Variants in TMEM131 observed in about 807,000 individuals in gnomAD.
TMEM131 encodes the protein 2610524E03Rik.
TMEM131 carries 66 observed loss-of-function variants against 211.6 expected under a neutral mutation model. The ratio of observed to expected loss-of-function variants is 0.31; its 90% CI spans 0.26 to 0.38. The LOEUF is 0.38. Ranked by LOEUF, TMEM131 falls within the 10% of genes least tolerant of loss-of-function variation. The pLI, the probability that TMEM131 is intolerant of heterozygous loss-of-function variation, is 1.00. For missense variants in TMEM131, 2,036 were observed against 2,299.3 expected (o/e 0.89, Z 2.34); for synonymous variants, 844 against 841.3 (o/e 1.00, Z -0.06).
At chr2:97,874,920 C>A (rs1035178554) in intron 4 of TMEM131, among the ~76,000 whole-genome samples, 1 of 152,106 alleles carries the variant, frequency 6.6e-6, no homozygotes, top group African/African-American at 2.4e-5. Context: ...AAGACACAGA[C>A]TGGCAAACTG....
intron 1 of TMEM131, among the ~76,000 whole-genome samples, chr2:97,936,993 G>GAAAT (rs1677475446): frequency 6.6e-6 from 1 of 152,040 alleles, no homozygotes; most frequent in African/African-American, 2.4e-5. Context: ...CACAGTAACT[G>GAAAT]AAATGAGCCC....
intron 11 of TMEM131, among the ~76,000 whole-genome samples, chr2:97,826,654 G>C (rs1429823865): frequency 6.6e-6 from 1 of 151,312 alleles, no homozygotes; most frequent in Non-Finnish European, 1.5e-5. Flanking sequence ...GAGACAAAGA[G>C]GAAGTCAGAA....
chr2:97,951,547 G>A (rs1678315893), intron 1 of TMEM131, among the ~76,000 whole-genome samples: 1 of 152,176 alleles, frequency 6.6e-6, no homozygotes, highest in South Asian at 2.1e-4. Context: ...TGGGTAAAAT[G>A]TCTCATTGGC....
At chr2:97,787,481 T>G (rs961181935) in intron 31 of TMEM131, among the ~76,000 whole-genome samples, 1 of 152,156 alleles carries the variant, frequency 6.6e-6, no homozygotes, top group Admixed American at 6.5e-5. Context: ...AGAAAGAATT[T>G]CCCCAGGCTT....
intron 1 of TMEM131, among the ~76,000 whole-genome samples, chr2:97,967,112 C>T (rs62156523): frequency 0.072 from 10,954 of 152,182 alleles, 469 homozygotes; most frequent in Middle Eastern, 0.12. Flanking sequence ...TTTTGACTCA[C>T]CATAAAAGGG....
chr2:97,828,791 C>T (rs1682518185), intron 11 of TMEM131, among the ~76,000 whole-genome samples: 1 of 152,220 alleles, frequency 6.6e-6, no homozygotes, highest in Non-Finnish European at 1.5e-5. Context: ...CAAACTCTTT[C>T]AATGCCTTTC....
Position 97,795,100 on chromosome 2 carries a change from A to G in TMEM131, c.3216T>C (p.Phe1072=), listed in dbSNP as rs1167183194. 1 of 1,612,468 alleles carries G rather than the reference A, an allele frequency of 6.2e-7. No individual in the cohort carries two copies. ...GTTCCCGAATAACTCTAGAAGCTGT[A>G]AAATCAGGAGTAAACCTAAAACAGA... ...RDIIILFTPD[F]TASRVIRELK... Residue 1072 remains phenylalanine, a synonymous_variant, in exon 29 of 41, where the codon TTT becomes TTC. Transcript: ENST00000186436.
chr2:97,974,404 G>A (rs916343145), intron 1 of TMEM131, among the ~76,000 whole-genome samples: 1 of 151,988 alleles, frequency 6.6e-6, no homozygotes, highest in Non-Finnish European at 1.5e-5. Context: ...GTTGGGAGGA[G>A]GAGGAGGAGG....
chr2:97,987,615 C>T, intron 1 of TMEM131, among the ~76,000 whole-genome samples: 1 of 152,166 alleles, frequency 6.6e-6, no homozygotes, highest in African/African-American at 2.4e-5. Flanking sequence ...AAGTACGCAG[C>T]ATTTTTTCTT....
intron 2 of TMEM131, among the ~76,000 whole-genome samples, chr2:97,915,821 G>GT (rs1676486036): frequency 6.6e-6 from 1 of 152,144 alleles, no homozygotes; most frequent in Admixed American, 6.5e-5. Context: ...TTTTGAGTTA[G>GT]TTTTTGTTTA....
chr2:97,976,261 C>T (rs2104621629), intron 1 of TMEM131, among the ~76,000 whole-genome samples: 1 of 152,234 alleles, frequency 6.6e-6, no homozygotes, highest in South Asian at 2.1e-4. Context: ...TATTTGCAGA[C>T]ATGATCATCT....
intron 33 of TMEM131, among the ~76,000 whole-genome samples, chr2:97,767,877 G>A (rs1012797589): frequency 2.6e-5 from 4 of 152,184 alleles, no homozygotes; most frequent in African/African-American, 9.7e-5. Flanking sequence ...TTCTGGGTCA[G>A]AGGCAATCTG....
intron 2 of TMEM131, among the ~76,000 whole-genome samples, chr2:97,913,879 CT>C (rs1341067112): frequency 6.6e-6 from 1 of 152,132 alleles, no homozygotes; most frequent in Non-Finnish European, 1.5e-5. Context: ...TACTGGGCAG[CT>C]TTCCCCAGGG....
At chr2:97,852,065 G>A (rs889073794) in intron 5 of TMEM131, among the ~76,000 whole-genome samples, 4 of 152,064 alleles carry the variant, frequency 2.6e-5, no homozygotes, top group African/African-American at 9.7e-5. Context: ...CTATTCCAGT[G>A]AACACACATG....
At chr2:97,826,397 T>C (rs913395758) in intron 11 of TMEM131, among the ~76,000 whole-genome samples, 1 of 152,196 alleles carries the variant, frequency 6.6e-6, no homozygotes, top group Non-Finnish European at 1.5e-5. Flanking sequence ...GGAACCCCCA[T>C]TAAATACCAC....
At chr2:97,995,266 G>C (rs993713273) in intron 1 of TMEM131, among the ~76,000 whole-genome samples, 1 of 152,368 alleles carries the variant, frequency 6.6e-6, no homozygotes, top group African/African-American at 2.4e-5. Flanking sequence ...GGCAGTGACA[G>C]GAGACGGGGG....
At chr2:97,938,592 C>A (rs920848449) in intron 1 of TMEM131, among the ~76,000 whole-genome samples, 17 of 152,114 alleles carry the variant, frequency 1.1e-4, no homozygotes, top group Non-Finnish European at 5.9e-5. Flanking sequence ...GACTTCAACA[C>A]CCCACTGTCA....
At chr2:97,987,282 T>A (rs111742796) in intron 1 of TMEM131, among the ~76,000 whole-genome samples, 3,751 of 152,208 alleles carry the variant, frequency 0.025, 164 homozygotes, top group African/African-American at 0.087. Flanking sequence ...GGAGGCCAAG[T>A]CAGGTGGATC....
intron 5 of TMEM131, among the ~76,000 whole-genome samples, chr2:97,854,476 G>C (rs140169044): frequency 6.6e-6 from 1 of 152,174 alleles, no homozygotes; most frequent in East Asian, 1.9e-4. Flanking sequence ...GTACCACTCT[G>C]GTCAGAGTAA....
Sources: gnomAD v4.1 joint callset for allele counts (sites outside exome capture counted in the v4.1 genomes callset) on GRCh38, gnomAD v4.1.1 for gene constraint, MANE v1.5 for transcripts, NCBI Gene and HGNC (gene_info 2026-07-23, HGNC 2026-07-21) for gene names.